The following ROBO1 variants were observed in gnomAD, a reference collection of about 807,000 sequenced individuals.
ROBO1 encodes the protein roundabout homolog 1.
Under a neutral mutation model 195.9 loss-of-function variants are expected in ROBO1, and 149 were observed. The ratio of observed to expected loss-of-function variants is 0.76; its 90% CI spans 0.67 to 0.87. The LOEUF (loss-of-function observed/expected upper bound fraction) is 0.87, where lower values mean the gene tolerates loss of function less well. Ranked by LOEUF, ROBO1 falls within the 40% of genes least tolerant of loss-of-function variation. The pLI is 0.00. For synonymous variants in ROBO1, 816 were observed against 733.2 expected, an observed-to-expected ratio of 1.11 and a Z score of -1.82; for missense variants, 1,933 against 2,068.3, an observed-to-expected ratio of 0.93 and a Z score of 1.27.
intron 19 of ROBO1, among the ~76,000 whole-genome samples, chr3:78,648,679 G>GT (rs1431865848): frequency 7.0e-6 from 1 of 143,836 alleles, no homozygotes; most frequent in African/African-American, 2.7e-5. Flanking sequence ...CGCTGCTCTG[G>GT]TTAAAAAAAA....
chr3:79,518,845 A>AT lies in ROBO1; in HGVS notation c.88+70978dup, dbSNP rs11291431. The stretch of plus-strand genomic sequence containing the variant: ...TGTCACCACGTCTGGCTAATTCTGT[A>AT]TTTTTTTTTTTTTTAGTAGAGACGG... On this transcript the variant is annotated intron_variant, in intron 2 of 30. Transcript: ENST00000464233. 1.3e-3 allele frequency among the ~76,000 whole-genome samples: 180 copies of AT among 143,146 alleles called. 1 individual carries two copies. Among genetic ancestry groups the AT allele is most frequent in the South Asian group, 2.2e-3 (10 of 4,466 alleles). The allele number at this position is 143,146 out of a possible 152,430, so 93.9% of individuals were successfully genotyped here. A position where few individuals can be genotyped will look rare whatever the true frequency, so the allele number is the denominator to read the frequency against.
intron 2 of ROBO1, among the ~76,000 whole-genome samples, chr3:79,385,605 G>A (rs137944155): frequency 1.7e-3 from 257 of 152,192 alleles, no homozygotes; most frequent in African/African-American, 5.9e-3. Context: ...ATAATCAGTT[G>A]TGACCTTAAA....
chr3:79,034,176 A>T (rs896947057), intron 3 of ROBO1, among the ~76,000 whole-genome samples: 4 of 152,238 alleles, frequency 2.6e-5, no homozygotes, highest in African/African-American at 9.6e-5. Context: ...CTATTATTAT[A>T]ACAAAATGAT....
chr3:79,617,262 G>A (rs1278712699), intron 1 of ROBO1, among the ~76,000 whole-genome samples: 1 of 152,044 alleles, frequency 6.6e-6, no homozygotes, highest in African/African-American at 2.4e-5. Flanking sequence ...AGTTGTAATT[G>A]CCATCTACTG....
intron 18 of ROBO1, among the ~76,000 whole-genome samples, chr3:78,653,200 TTCCAGTTCCCTGCC>T (rs1706787272): frequency 6.6e-6 from 1 of 152,020 alleles, no homozygotes; most frequent in African/African-American, 2.4e-5. Flanking sequence ...CCTTGACAAT[TTCCAGTTCCCTGCC>T]TCCCTCCAGT....
intron 8 of ROBO1, among the ~76,000 whole-genome samples, chr3:78,689,900 A>C (rs2081133467): frequency 6.6e-6 from 1 of 151,612 alleles, no homozygotes; most frequent in Non-Finnish European, 1.5e-5. Context: ...CAAGAGTATA[A>C]TTTCTTTGTT....
intron 9 of ROBO1, among the ~76,000 whole-genome samples, chr3:78,686,941 A>G (rs764798523): frequency 1.4e-4 from 21 of 152,170 alleles, no homozygotes; most frequent in Non-Finnish European, 2.8e-4. Context: ...AGATCATGTT[A>G]TTGAATTTCA....
chr3:79,531,872 A>C (rs928833267), intron 2 of ROBO1, among the ~76,000 whole-genome samples: 4 of 152,194 alleles, frequency 2.6e-5, no homozygotes, highest in Non-Finnish European at 5.9e-5. Context: ...TAAAAGCATA[A>C]ATCAAAATTA....
chr3:79,372,203 C>CTT (rs113427698), intron 2 of ROBO1, among the ~76,000 whole-genome samples: 24,163 of 143,018 alleles, frequency 0.17, 2,956 homozygotes, highest in African/African-American at 0.35. Context: ...TTCTAGCATT[C>CTT]TTTTTTTTTT....
intron 8 of ROBO1, among the ~76,000 whole-genome samples, chr3:78,691,602 T>C (rs539544330): frequency 7.6e-4 from 116 of 152,316 alleles, no homozygotes; most frequent in African/African-American, 2.6e-3. Flanking sequence ...AATTATTTGC[T>C]AGCTGTAGAG....
intron 2 of ROBO1, among the ~76,000 whole-genome samples, chr3:79,589,469 G>A (rs934624027): frequency 2.6e-5 from 4 of 151,592 alleles, no homozygotes; most frequent in African/African-American, 7.3e-5. Context: ...CTATGGTACC[G>A]ACATGCACTG....
rs576865613 is a variant in ROBO1, at chr3:79,085,218, T to C, written c.172+40238A>G. Among the ~76,000 whole-genome samples, 4 of 152,310 alleles carry C rather than the reference T, an allele frequency of 2.6e-5. No homozygotes were observed. The South Asian group carries it at 8.3e-4, about 32-fold the overall frequency. On this transcript the variant is annotated intron_variant, in intron 3 of 30. Transcript: ENST00000464233. ...TTGTATATTTGAACAAAGTGAGCCC[T>C]TAAATCACTGATATAATTTGAGGGC... is the stretch of plus-strand genomic sequence containing the variant.
intron 2 of ROBO1, among the ~76,000 whole-genome samples, chr3:79,270,372 T>C (rs1311808810): frequency 6.6e-6 from 1 of 151,792 alleles, no homozygotes; most frequent in East Asian, 1.9e-4. Context: ...TATTTTCCAT[T>C]GGTATGCCTG....
chr3:78,848,986 T>C (rs2033855674), intron 4 of ROBO1, among the ~76,000 whole-genome samples: 1 of 152,022 alleles, frequency 6.6e-6, no homozygotes, highest in African/African-American at 2.4e-5. Flanking sequence ...GACATATGTT[T>C]AAAGTAGAGA....
At chr3:79,195,624 C>T (rs754550829) in intron 2 of ROBO1, among the ~76,000 whole-genome samples, 1 of 151,310 alleles carries the variant, frequency 6.6e-6, no homozygotes, top group African/African-American at 2.4e-5. Context: ...ATCTGGAAAC[C>T]AAAGACAATT....
chr3:79,450,161 T>G (rs773838880), intron 2 of ROBO1, among the ~76,000 whole-genome samples: 3 of 151,182 alleles, frequency 2.0e-5, no homozygotes, highest in Non-Finnish European at 4.4e-5. Flanking sequence ...GATAGGCATA[T>G]GATTCAATAC....
chr3:78,830,777 A>C (rs1178943941), intron 4 of ROBO1, among the ~76,000 whole-genome samples: 1 of 152,168 alleles, frequency 6.6e-6, no homozygotes, highest in East Asian at 1.9e-4. Flanking sequence ...TTCTAGCAGA[A>C]AGTTTCCAGC....
At chr3:78,634,462 C>T (rs112198025) in intron 23 of ROBO1, 156 of 311,402 alleles carry the variant, frequency 5.0e-4, no homozygotes, top group African/African-American at 2.8e-3. Context: ...GATAAGCTTG[C>T]CACTGGAATG....
chr3:79,644,531 G>A (rs1489554216), intron 1 of ROBO1, among the ~76,000 whole-genome samples: 1 of 152,038 alleles, frequency 6.6e-6, no homozygotes, highest in African/African-American at 2.4e-5. Flanking sequence ...GCTTGTGCAG[G>A]GGAAGTCCTC....
Sources: allele counts gnomAD v4.1 joint callset (sites outside exome capture counted in the v4.1 genomes callset), GRCh38; gene constraint gnomAD v4.1.1; transcripts MANE v1.5; gene names NCBI Gene and HGNC (gene_info 2026-07-23, HGNC 2026-07-21).